Variants in DHRS12 observed in about 807,000 individuals in gnomAD.
The protein encoded by DHRS12 is dehydrogenase/reductase SDR family member 12.
In DHRS12, 29 loss-of-function variants were observed where a neutral mutation model predicts 32.1. The observed-to-expected ratio is 0.90, with a 90% CI of 0.67 to 1.23. The LOEUF is 1.23. DHRS12 is among the 50% of genes most tolerant of loss of function. The pLI is 0.00. For synonymous variants in DHRS12, 150 were observed against 135.9 expected, an observed-to-expected ratio of 1.10 and a Z score of -0.72; for missense variants, 330 against 337.2, an observed-to-expected ratio of 0.98 and a Z score of 0.17.
intron 2 of DHRS12, among the ~76,000 whole-genome samples, chr13:51,792,523 C>T (rs1231072280): frequency 3.3e-5 from 5 of 152,166 alleles, no homozygotes; most frequent in Non-Finnish European, 7.3e-5. Context: ...CCTCAGCCTC[C>T]CAAGTAGCTG....
rs770675892 is a variant in DHRS12, at chr13:51,791,204, A to T, written c.180T>A (p.Phe60Leu). 5 of 1,582,786 alleles carry T rather than the reference A, an allele frequency of 3.2e-6. No individual in the cohort carries two copies. The Admixed American group carries it at 8.8e-5, about 28-fold the overall frequency. ...TATGTTCCTGCTTGAAATTTTCAAC[A>T]AATTTCCAGATTTGCTTGGGATCAG... ...DLSDPKQIWK[F>L]VENFKQEHKL... Residue 60 changes from phenylalanine (F) to leucine (L), a missense_variant, in exon 3 of 9, where the codon TTT (phenylalanine) becomes TTA (leucine). Transcript: ENST00000444610.
intron 7 of DHRS12, among the ~76,000 whole-genome samples, chr13:51,770,316 T>C (rs779586828): frequency 1.3e-5 from 2 of 152,198 alleles, no homozygotes; most frequent in Non-Finnish European, 2.9e-5. Flanking sequence ...AGACAGGTTG[T>C]GTGCACCTGA....
chr13:51,758,292 G>T, the DHRS12 span: 2 of 1,587,004 alleles, frequency 1.3e-6, no homozygotes, highest in African/African-American at 1.3e-5. Context: ...AACTGACAAG[G>T]TTATTAAGGT....
At chr13:51,763,159 A>G (rs531481003), downstream of DHRS12, 1 of 152,330 alleles carries the variant, frequency 6.6e-6, no homozygotes, top group East Asian at 1.9e-4. Flanking sequence ...AATCTAAAAG[A>G]ATGTTCAAGG....
chr13:51,792,702 T>C (rs1351691133), intron 2 of DHRS12, among the ~76,000 whole-genome samples: 1 of 152,202 alleles, frequency 6.6e-6, no homozygotes, highest in Admixed American at 6.5e-5. Context: ...GCCCAGCTTG[T>C]GTTGGCCATT....
At chr13:51,796,081 T>A (rs1251158612) in intron 2 of DHRS12, among the ~76,000 whole-genome samples, 2 of 152,186 alleles carry the variant, frequency 1.3e-5, no homozygotes, top group Non-Finnish European at 2.9e-5. Flanking sequence ...TACCCCTATT[T>A]TTTAATGAGG....
chr13:51,766,641 A>G (rs1256807226), downstream of DHRS12: 9 of 152,232 alleles, frequency 5.9e-5, no homozygotes, highest in East Asian at 3.8e-4. Context: ...CAGGCCCCCA[A>G]TCAAATGCTG....
the DHRS12 span, among the ~76,000 whole-genome samples, chr13:51,757,457 G>GAAA: frequency 6.5e-5 from 9 of 137,538 alleles, no homozygotes; most frequent in Admixed American, 1.5e-4. Flanking sequence ...TAGAAAAAAG[G>GAAA]AAAAAAAAAA....
At chr13:51,755,769 T>G in the DHRS12 span, among the ~76,000 whole-genome samples, 1 of 152,206 alleles carries the variant, frequency 6.6e-6, no homozygotes, top group South Asian at 2.1e-4. Flanking sequence ...ACCATGAAAT[T>G]ATATAAGTGG....
intron 2 of DHRS12, among the ~76,000 whole-genome samples, chr13:51,793,516 A>G (rs946920948): frequency 1.3e-5 from 2 of 152,194 alleles, no homozygotes; most frequent in Admixed American, 1.3e-4. Flanking sequence ...GCAACTCCAC[A>G]TTTTCATGAC....
At position 51,769,156 on chromosome 13, in the gene DHRS12, C is replaced by T; in HGVS notation, c.697G>A (p.Asp233Asn). ...CCTTCACAGCCAGGGAGGAAGTCAC[C>T]TTGAAAGAAGCGGCCGCTGGGCTGT... ...AAQPSGRFFQ[D>N]RKPVSTHLPL... Residue 233 changes from aspartate to asparagine, a missense_variant and splice_region_variant, in exon 8 of 9, where the codon GAT becomes AAT. By Grantham distance (23) the Asp-to-Asn change is conservative. Coordinates refer to ENST00000444610, the MANE Select transcript of DHRS12 (RefSeq NM_001377533.1). 1.3e-6 allele frequency: 2 copies of T among 1,549,432 alleles called. No homozygotes were observed. The highest frequency in any genetic ancestry group is 1.7e-6 in the Non-Finnish European group (2 of 1,147,200).
At chr13:51,773,103 T>C (rs1332641358) in intron 6 of DHRS12, 2 of 971,330 alleles carry the variant, frequency 2.1e-6, no homozygotes, top group Non-Finnish European at 1.2e-6. Context: ...TAAATATAGC[T>C]GTAATAAGCA....
chr13:51,790,034 T>C lies in DHRS12; in HGVS notation c.278A>G (p.Lys93Arg). Residue 93 changes from lysine to arginine, a missense_variant, in exon 4 of 9, where the codon AAA becomes AGA. By Grantham distance (26) the Lys-to-Arg change is conservative. Transcript: ENST00000444610. ...ACCCAGAGTATTGGCAGCAAAGTTT[T>C]TTTCAAGTCCATCTTCTGTGAGCTC... is the stretch of plus-strand genomic sequence containing the variant. ...KRELTEDGLE[K>R]NFAANTLGVY... is the part of the protein sequence containing the mutation. 1 of 1,605,606 alleles carries C rather than the reference T, an allele frequency of 6.2e-7. No homozygotes were observed. Among genetic ancestry groups the C allele is most frequent in the Non-Finnish European group, 8.5e-7 (1 of 1,177,652 alleles).
chr13:51,768,462 A>G (rs1953852596), intron 8 of DHRS12, 166 bp from the exon 9 acceptor site: 1 of 1,440,892 alleles, frequency 6.9e-7, no homozygotes. Flanking sequence ...ATCAGGCAGC[A>G]TGGATTGATA....
chr13:51,768,857 T>C, intron 8 of DHRS12: 8 of 1,355,812 alleles, frequency 5.9e-6, no homozygotes, highest in Non-Finnish European at 7.6e-6. Context: ...GCGCCCCTCC[T>C]GGGCCTCAGC....
downstream of DHRS12, chr13:51,766,044 A>G (rs1357611414): frequency 6.6e-6 from 1 of 152,230 alleles, no homozygotes; most frequent in Non-Finnish European, 1.5e-5. Context: ...GATTTGAAAA[A>G]TGTTTCACAT....
At position 51,777,195 on chromosome 13, in the gene DHRS12, G is replaced by T; in HGVS notation, c.302-74C>A. The T allele has an allele frequency of 2.6e-6, 4 of 1,568,372 alleles. No homozygotes were observed. The South Asian group carries it at 4.4e-5, about 17-fold the overall frequency. Reference sequence around the variant, plus strand: ...TCAAGGGGTCCTGCAGGACTGATGTGGGGACTGTCTGCCCGCACCCGCCCC... The same window carrying T: ...TCAAGGGGTCCTGCAGGACTGATGTTGGGACTGTCTGCCCGCACCCGCCCC... On this transcript the variant is annotated intron_variant, in intron 4 of 8. Coordinates refer to ENST00000444610, the MANE Select transcript of DHRS12 (RefSeq NM_001377533.1).
At chr13:51,792,148 A>C (rs568785781) in intron 2 of DHRS12, among the ~76,000 whole-genome samples, 1 of 152,276 alleles carries the variant, frequency 6.6e-6, no homozygotes, top group South Asian at 2.1e-4. Flanking sequence ...TGGTAGCTCT[A>C]TTTTGAATTT....
rs1955885651 is a variant in DHRS12 at position 51,804,091 on chromosome 13, C to T, written c.-46G>A. On this transcript the variant is annotated 5_prime_UTR_variant, in exon 1 of 9. Transcript: ENST00000444610. ...CGCAGCCCCTTGGCGAACCACACGACGCTGCGGTACAGGGACATGCCGGGA... is the reference window on the plus strand; with the variant it reads ...CGCAGCCCCTTGGCGAACCACACGATGCTGCGGTACAGGGACATGCCGGGA... 1.3e-6 allele frequency: 2 copies of T among 1,494,822 alleles called. No homozygotes were observed. The highest frequency in any genetic ancestry group is 1.8e-6 in the Non-Finnish European group (2 of 1,128,972). 92.6% of individuals were successfully genotyped at this position (1,494,822 alleles called of 1,614,324 possible). A position where few individuals can be genotyped will look rare whatever the true frequency, so the allele number is the denominator to read the frequency against.
Sources: allele counts gnomAD v4.1 joint callset (sites outside exome capture counted in the v4.1 genomes callset), GRCh38; gene constraint gnomAD v4.1.1; transcripts MANE v1.5; gene names NCBI Gene and HGNC (gene_info 2026-07-23, HGNC 2026-07-21).